KIAA1217: variants seen among roughly 807,000 people sequenced by gnomAD.
KIAA1217 encodes the protein KIAA1217.
Under a neutral mutation model 163.9 loss-of-function variants are expected in KIAA1217, and 88 were observed. The ratio of observed to expected loss-of-function variants is 0.54; its 90% CI spans 0.45 to 0.64. KIAA1217 has a LOEUF of 0.64. Among genes scored for constraint, KIAA1217 ranks in the 30% least tolerant of loss-of-function variants. The pLI, the probability that KIAA1217 is intolerant of heterozygous loss-of-function variation, is 0.00. For synonymous variants in KIAA1217, 903 were observed against 923.1 expected, an observed-to-expected ratio of 0.98 and a Z score of 0.39; for missense variants, 2,372 against 2,475.0, an observed-to-expected ratio of 0.96 and a Z score of 0.88.
intron 3 of KIAA1217, among the ~76,000 whole-genome samples, chr10:24,393,880 G>A (rs1039404108): frequency 6.6e-6 from 1 of 152,180 alleles, no homozygotes; most frequent in East Asian, 1.9e-4. Flanking sequence ...CTTAATTGTG[G>A]CAGCCTGAAC....
At chr10:23,711,823 T>G (rs1425194056) in intron 1 of KIAA1217, among the ~76,000 whole-genome samples, 2 of 152,238 alleles carry the variant, frequency 1.3e-5, no homozygotes, top group East Asian at 3.9e-4. Context: ...GGTGTCTTAG[T>G]GGAGAGAAGT....
intron 1 of KIAA1217, among the ~76,000 whole-genome samples, chr10:23,886,795 A>G (rs1248823003): frequency 6.6e-6 from 1 of 150,874 alleles, no homozygotes; most frequent in Admixed American, 6.6e-5. Flanking sequence ...TTGATAACAA[A>G]TTAGTAGTCA....
chr10:23,917,967 T>G (rs1365113608), intron 1 of KIAA1217, among the ~76,000 whole-genome samples: 1 of 152,124 alleles, frequency 6.6e-6, no homozygotes, highest in East Asian at 1.9e-4. Context: ...TAGATGCATT[T>G]AAATAGGATT....
At chr10:24,355,584 T>C (rs998296230) in intron 2 of KIAA1217, among the ~76,000 whole-genome samples, 2 of 151,904 alleles carry the variant, frequency 1.3e-5, no homozygotes, top group African/African-American at 4.8e-5. Context: ...TACTATCACA[T>C]TGGAGATTAG....
intron 2 of KIAA1217, among the ~76,000 whole-genome samples, chr10:24,020,124 A>C (rs1387114708): frequency 6.6e-6 from 1 of 152,126 alleles, no homozygotes; most frequent in Non-Finnish European, 1.5e-5. Context: ...AAATCAACCA[A>C]AGGCAAACAA....
intron 1 of KIAA1217, among the ~76,000 whole-genome samples, chr10:23,995,212 A>T (rs940197988): frequency 8.5e-5 from 13 of 152,164 alleles, no homozygotes; most frequent in African/African-American, 2.9e-4. Context: ...CTCCTGGAAG[A>T]TCCTACAAAA....
intron 1 of KIAA1217, among the ~76,000 whole-genome samples, chr10:23,761,217 C>G (rs1834248302): frequency 6.6e-6 from 1 of 152,106 alleles, no homozygotes; most frequent in African/African-American, 2.4e-5. Context: ...CCTAGGCAAC[C>G]TAGTGTGGCT....
intron 2 of KIAA1217, chr10:24,275,616 C>T (rs1564387913): frequency 1.3e-5 from 6 of 465,490 alleles, no homozygotes; most frequent in South Asian, 9.3e-5. Flanking sequence ...TGAGGACTGA[C>T]TGTATAATGC....
At chr10:23,988,959 A>G (rs535179341) in intron 1 of KIAA1217, among the ~76,000 whole-genome samples, 5 of 152,314 alleles carry the variant, frequency 3.3e-5, no homozygotes, top group African/African-American at 1.2e-4. Flanking sequence ...TTAGAATCTC[A>G]TTACGTAATA....
Position 24,283,123 on chromosome 10 carries a change from G to A in KIAA1217, c.354+63214G>A, listed in dbSNP as rs192294835. ...GCTGGGATTACAGGCATGAGCCACC[G>A]CAACCAGCCTGAGGTGTTGCTACTT... On this transcript the variant is annotated intron_variant, in intron 2 of 20. Transcript: ENST00000376454. Among the ~76,000 whole-genome samples the A allele has an allele frequency of 1.2e-3, 189 of 151,342 alleles. 1 individual carries two copies. The highest frequency in any genetic ancestry group is 0.011 in the Admixed American group (165 of 15,196).
At chr10:24,292,793 G>A (rs2079218670) in intron 2 of KIAA1217, among the ~76,000 whole-genome samples, 1 of 152,072 alleles carries the variant, frequency 6.6e-6, no homozygotes, top group African/African-American at 2.4e-5. Context: ...CTGAGTGAGA[G>A]GCACTGCAAA....
intron 2 of KIAA1217, among the ~76,000 whole-genome samples, chr10:24,104,984 T>C (rs1346253446): frequency 6.6e-6 from 1 of 152,200 alleles, no homozygotes; most frequent in Non-Finnish European, 1.5e-5. Context: ...TCTGTTTAGA[T>C]TCTGTAATTT....
chr10:24,492,280 G>T (rs2066254819), intron 6 of KIAA1217, among the ~76,000 whole-genome samples: 1 of 152,184 alleles, frequency 6.6e-6, no homozygotes, highest in Non-Finnish European at 1.5e-5. Flanking sequence ...TCACTAACCT[G>T]CTTTCCTTAT....
chr10:24,170,924 C>G (rs961884268), intron 2 of KIAA1217, among the ~76,000 whole-genome samples: 1 of 152,188 alleles, frequency 6.6e-6, no homozygotes, highest in Non-Finnish European at 1.5e-5. Flanking sequence ...CCAGTTGGGC[C>G]TGTTCTGTTC....
intron 2 of KIAA1217, among the ~76,000 whole-genome samples, chr10:24,010,178 G>T (rs574528240): frequency 6.6e-6 from 1 of 151,432 alleles, no homozygotes; most frequent in Non-Finnish European, 1.5e-5. Context: ...CTGTATGAAC[G>T]CTTTTTAAAA....
Position 24,311,677 on chromosome 10 carries a change from T to A in KIAA1217, c.355-69192T>A, listed in dbSNP as rs367698150. ...CATGCTGGGCGGTACTGCAGTGACC[T>A]CTGCATTTGAGCTGGGGTTTCTTGT... On this transcript the variant is annotated intron_variant, in intron 2 of 20. Transcript: ENST00000376454. Among the ~76,000 whole-genome samples the A allele has an allele frequency of 2.0e-5, 3 of 152,178 alleles. No homozygotes were observed. In the South Asian group the frequency reaches 6.2e-4, roughly 32 times the overall value.
chr10:24,017,020 G>C (rs1022747889), intron 2 of KIAA1217, among the ~76,000 whole-genome samples: 1 of 144,464 alleles, frequency 6.9e-6, no homozygotes, highest in African/African-American at 2.6e-5. Context: ...ATTTTGTTTC[G>C]TTGGTTAGTT....
intron 1 of KIAA1217, among the ~76,000 whole-genome samples, chr10:23,763,817 G>T (rs1834381683): frequency 6.6e-6 from 1 of 152,070 alleles, no homozygotes. Flanking sequence ...GAATACCTGA[G>T]ACTGGGGAAT....
chr10:24,422,067 C>T (rs2058775028), intron 3 of KIAA1217, among the ~76,000 whole-genome samples: 2 of 152,142 alleles, frequency 1.3e-5, no homozygotes, highest in African/African-American at 4.8e-5. Context: ...AAAGTCACAT[C>T]TTACATGGTG....
Sources: gnomAD v4.1 joint callset for allele counts (sites outside exome capture counted in the v4.1 genomes callset) on GRCh38, gnomAD v4.1.1 for gene constraint, MANE v1.5 for transcripts, NCBI Gene and HGNC (gene_info 2026-07-23, HGNC 2026-07-21) for gene names.